Variants in TRPC7 observed in about 807,000 individuals in gnomAD.
TRPC7 encodes short transient receptor potential channel 7.
A neutral mutation model predicts 90.1 loss-of-function variants in TRPC7; 42 were observed. The ratio of observed to expected loss-of-function variants is 0.47; its 90% CI spans 0.36 to 0.60. The LOEUF is 0.60. TRPC7 is among the 20% of genes least tolerant of loss of function. The probability of loss-of-function intolerance (pLI) is 0.00; values close to 1 mark genes in which losing one functional copy is unlikely to be tolerated. For synonymous variants in TRPC7, 451 were observed against 436.3 expected (o/e 1.03, Z -0.42); for missense variants, 955 against 1,112.3 (o/e 0.86, Z 2.01).
chr5:136,340,492 T>G (rs964611625), intron 2 of TRPC7, among the ~76,000 whole-genome samples: 4 of 152,166 alleles, frequency 2.6e-5, no homozygotes, highest in African/African-American at 9.7e-5. Flanking sequence ...GATTAATATC[T>G]TAATTAACCT....
At chr5:136,298,295 C>G (rs1348802043) in intron 3 of TRPC7, among the ~76,000 whole-genome samples, 1 of 152,138 alleles carries the variant, frequency 6.6e-6, no homozygotes, top group Non-Finnish European at 1.5e-5. Flanking sequence ...TGGGCGGGAA[C>G]TAGCATGGAG....
intron 1 of TRPC7, among the ~76,000 whole-genome samples, chr5:136,358,948 C>T (rs1760474840): frequency 6.6e-6 from 1 of 151,840 alleles, no homozygotes; most frequent in Admixed American, 6.6e-5. Context: ...TTCTATGGTC[C>T]CAGAGAATTG....
intron 3 of TRPC7, among the ~76,000 whole-genome samples, chr5:136,309,729 C>A (rs1369634341): frequency 2.0e-5 from 3 of 152,208 alleles, no homozygotes; most frequent in Non-Finnish European, 4.4e-5. Context: ...AGCCGGGATT[C>A]CTGAGGGAAT....
At chr5:136,232,838 T>C (rs1755860482) in intron 7 of TRPC7, among the ~76,000 whole-genome samples, 1 of 152,168 alleles carries the variant, frequency 6.6e-6, no homozygotes, top group Admixed American at 6.5e-5. Context: ...TTCATCCAGA[T>C]TTTTGGTACC....
chr5:136,290,600 A>C (rs1001203186), intron 3 of TRPC7, among the ~76,000 whole-genome samples: 2 of 152,202 alleles, frequency 1.3e-5, no homozygotes, highest in African/African-American at 4.8e-5. Flanking sequence ...AAAAAAGAAT[A>C]AAAAGAAATG....
intron 3 of TRPC7, among the ~76,000 whole-genome samples, chr5:136,300,130 G>C (rs1448929666): frequency 6.6e-6 from 1 of 152,206 alleles, no homozygotes; most frequent in Non-Finnish European, 1.5e-5. Context: ...CAGGCAAAAA[G>C]CAATAGTTTT....
chr5:136,364,047 A>G (rs997841153), intron 1 of TRPC7, among the ~76,000 whole-genome samples: 2 of 152,194 alleles, frequency 1.3e-5, no homozygotes, highest in African/African-American at 4.8e-5. Context: ...TACTACTGAG[A>G]AAGAAAGAGA....
chr5:136,344,744 A>G (rs1447886763), intron 2 of TRPC7, among the ~76,000 whole-genome samples: 1 of 152,118 alleles, frequency 6.6e-6, no homozygotes, highest in Non-Finnish European at 1.5e-5. Context: ...ATAGGATTGT[A>G]AGGGGGTATA....
intron 3 of TRPC7, among the ~76,000 whole-genome samples, chr5:136,301,634 A>G (rs1466326294): frequency 6.6e-6 from 1 of 152,060 alleles, no homozygotes; most frequent in Non-Finnish European, 1.5e-5. Flanking sequence ...TTGAGAATGT[A>G]CTTTGTGAGA....
chr5:136,295,382 G>T (rs1412981321), intron 3 of TRPC7, among the ~76,000 whole-genome samples: 1 of 152,196 alleles, frequency 6.6e-6, no homozygotes, highest in East Asian at 1.9e-4. Flanking sequence ...TGGATCTGGT[G>T]AGAGGTTTAG....
chr5:136,292,332 CA>C (rs1265111670), intron 3 of TRPC7, among the ~76,000 whole-genome samples: 1 of 148,368 alleles, frequency 6.7e-6, no homozygotes, highest in South Asian at 2.2e-4. Flanking sequence ...AAAAACCCTT[CA>C]AAAAAATCAA....
At chr5:136,245,172 C>A (rs983305511) in intron 7 of TRPC7, among the ~76,000 whole-genome samples, 2 of 152,240 alleles carry the variant, frequency 1.3e-5, no homozygotes, top group Non-Finnish European at 1.5e-5. Context: ...CGAGCTCAGA[C>A]TGAAACCTAG....
At chr5:136,270,949 T>C (rs1161284744) in intron 4 of TRPC7, among the ~76,000 whole-genome samples, 1 of 152,228 alleles carries the variant, frequency 6.6e-6, no homozygotes, top group Admixed American at 6.5e-5. Context: ...TAATCGAGTG[T>C]AGCTCTCTGG....
intron 3 of TRPC7, among the ~76,000 whole-genome samples, chr5:136,294,534 A>C (rs916509094): frequency 1.3e-5 from 2 of 152,272 alleles, no homozygotes; most frequent in Non-Finnish European, 2.9e-5. Flanking sequence ...AAAACACATG[A>C]AAAAATGCTC....
rs144665490 is a variant in TRPC7, at chr5:136,277,062, A to G, written c.964-2225T>C. Among the ~76,000 whole-genome samples the G allele has an allele frequency of 6.0e-3, 909 of 152,362 alleles. 5 individuals are homozygous for G. Among genetic ancestry groups the G allele is most frequent in the African/African-American group, 0.018 (737 of 41,584 alleles). ...CTGCTGCCTGGGAAGGATGCCTGTC[A>G]CAATCCCCATCATTTGCTTCTTGTC... On this transcript the variant is annotated intron_variant, in intron 3 of 11. Transcript: ENST00000513104.
chr5:136,240,876 T>TTTA (rs144033963), intron 7 of TRPC7, among the ~76,000 whole-genome samples: 9 of 151,928 alleles, frequency 5.9e-5, no homozygotes, highest in Admixed American at 1.3e-4. Context: ...CAATTTGATA[T>TTTA]TTATTATTAT....
chr5:136,253,710 C>T (rs1444861908), intron 5 of TRPC7, among the ~76,000 whole-genome samples: 3 of 152,108 alleles, frequency 2.0e-5, no homozygotes, highest in African/African-American at 4.8e-5. Flanking sequence ...GCCTCCTATT[C>T]CCAGTATTTC....
intron 2 of TRPC7, among the ~76,000 whole-genome samples, chr5:136,333,384 C>A (rs1161120895): frequency 1.1e-4 from 16 of 152,164 alleles, no homozygotes; most frequent in Admixed American, 1.0e-3. Context: ...ATACAGGGAA[C>A]TATGCAAGTA....
chr5:136,225,193 GAC>G, intron 10 of TRPC7, 79 bp downstream of exon 10: 3 of 1,247,222 alleles, frequency 2.4e-6, no homozygotes, highest in Non-Finnish European at 3.4e-6. Flanking sequence ...CTCGGGGGAT[GAC>G]ACAGTCATGG....
Sources: gnomAD v4.1 joint callset for allele counts (sites outside exome capture counted in the v4.1 genomes callset) on GRCh38, gnomAD v4.1.1 for gene constraint, MANE v1.5 for transcripts, NCBI Gene and HGNC (gene_info 2026-07-23, HGNC 2026-07-21) for gene names.